DRC11: variants seen among roughly 807,000 people sequenced by gnomAD.
DRC11 encodes IQ and AAA domain-containing protein 1.
chr2:236,379,111 C>T, the DRC11 span, among the ~76,000 whole-genome samples: 1 of 152,172 alleles, frequency 6.6e-6, no homozygotes, highest in Non-Finnish European at 1.5e-5. Flanking sequence ...GCTCTGCCCT[C>T]CTCTTCCCCC....
chr2:236,410,576 C>T, the DRC11 span, among the ~76,000 whole-genome samples: 1 of 150,428 alleles, frequency 6.6e-6, no homozygotes, highest in Admixed American at 6.6e-5. Flanking sequence ...AAAAAAGAGC[C>T]CGCATCGCCA....
the DRC11 span, among the ~76,000 whole-genome samples, chr2:236,478,409 C>T: frequency 2.0e-5 from 3 of 152,084 alleles, no homozygotes; most frequent in East Asian, 1.9e-4. The surrounding 1 kb of genome is among the most constrained non-coding windows in gnomAD (Gnocchi z 5.9). Context: ...AGAAAAAATA[C>T]TTGATATGAT....
At chr2:236,444,976 C>CTGA in the DRC11 span, among the ~76,000 whole-genome samples, 1 of 152,324 alleles carries the variant, frequency 6.6e-6, no homozygotes, top group East Asian at 1.9e-4. Flanking sequence ...CCTTGTTAAA[C>CTGA]TGACCACGCT....
chr2:236,461,143 G>A, the DRC11 span, among the ~76,000 whole-genome samples: 1 of 152,194 alleles, frequency 6.6e-6, no homozygotes, highest in African/African-American at 2.4e-5. This position sits in a 1 kb window ranked among gnomAD's most constrained non-coding sequence, Gnocchi z 4.0. Flanking sequence ...GTTGTACATA[G>A]TGCTTTCAAC....
At chr2:236,357,115 A>ATC in the DRC11 span, among the ~76,000 whole-genome samples, 1 of 91,018 alleles carries the variant, frequency 1.1e-5, no homozygotes, top group Non-Finnish European at 2.5e-5. Context: ...TTATATATCT[A>ATC]TATATTATAT....
At chr2:236,351,372 C>A in the DRC11 span, among the ~76,000 whole-genome samples, 2 of 152,132 alleles carry the variant, frequency 1.3e-5, no homozygotes, top group Non-Finnish European at 2.9e-5. The surrounding 1 kb of genome is among the most constrained non-coding windows in gnomAD (Gnocchi z 7.3). Context: ...GCAGACAGGT[C>A]TTCCGAGATC....
the DRC11 span, among the ~76,000 whole-genome samples, chr2:236,456,244 C>A: frequency 1.3e-5 from 2 of 152,126 alleles, no homozygotes; most frequent in African/African-American, 4.8e-5. This position sits in a 1 kb window ranked among gnomAD's most constrained non-coding sequence, Gnocchi z 5.4. Context: ...ATTACTCTAC[C>A]TATGAGGTAG....
At chr2:236,419,256 T>C in the DRC11 span, 142 of 1,537,968 alleles carry the variant, frequency 9.2e-5, no homozygotes, top group African/African-American at 1.6e-3. The surrounding 1 kb of genome is among the most constrained non-coding windows in gnomAD (Gnocchi z 4.8). Context: ...TGGTTTGCTA[T>C]GATATCCTCA....
the DRC11 span, among the ~76,000 whole-genome samples, chr2:236,331,198 A>T: frequency 6.6e-6 from 1 of 152,204 alleles, no homozygotes; most frequent in Admixed American, 6.5e-5. The surrounding 1 kb of genome is among the most constrained non-coding windows in gnomAD (Gnocchi z 4.8). Flanking sequence ...TACATGCTTT[A>T]CTGCCAAAAC....
At chr2:236,371,722 G>C in the DRC11 span, among the ~76,000 whole-genome samples, 1 of 152,162 alleles carries the variant, frequency 6.6e-6, no homozygotes, top group African/African-American at 2.4e-5. The surrounding 1 kb of genome is among the most constrained non-coding windows in gnomAD (Gnocchi z 5.1). Context: ...TCTTCAGGAA[G>C]GGCTCAGGGG....
the DRC11 span, among the ~76,000 whole-genome samples, chr2:236,475,733 T>C: frequency 1.3e-5 from 2 of 152,200 alleles, no homozygotes; most frequent in Admixed American, 1.3e-4. This position sits in a 1 kb window ranked among gnomAD's most constrained non-coding sequence, Gnocchi z 4.8. Context: ...TAATGTACTT[T>C]GATTTGATTT....
the DRC11 span, among the ~76,000 whole-genome samples, chr2:236,313,916 G>A: frequency 6.6e-6 from 1 of 152,158 alleles, no homozygotes; most frequent in Non-Finnish European, 1.5e-5. This position sits in a 1 kb window ranked among gnomAD's most constrained non-coding sequence, Gnocchi z 4.5. Flanking sequence ...AAGAGGAGTA[G>A]GAGGGAAGTA....
the DRC11 span, among the ~76,000 whole-genome samples, chr2:236,365,078 T>G: frequency 6.6e-6 from 1 of 152,096 alleles, no homozygotes; most frequent in Non-Finnish European, 1.5e-5. This position sits in a 1 kb window ranked among gnomAD's most constrained non-coding sequence, Gnocchi z 7.4. Flanking sequence ...TTGCCCTGCG[T>G]TGGACACCTG....
the DRC11 span, among the ~76,000 whole-genome samples, chr2:236,461,603 G>A: frequency 6.6e-6 from 1 of 152,184 alleles, no homozygotes; most frequent in South Asian, 2.1e-4. The surrounding 1 kb of genome is among the most constrained non-coding windows in gnomAD (Gnocchi z 4.0). Context: ...CAGTTTACAT[G>A]AGAGAGGGGG....
At chr2:236,390,452 T>C in the DRC11 span, among the ~76,000 whole-genome samples, 569 of 152,366 alleles carry the variant, frequency 3.7e-3, 3 homozygotes, top group African/African-American at 0.013. This position sits in a 1 kb window ranked among gnomAD's most constrained non-coding sequence, Gnocchi z 5.9. Context: ...GTTTAATCCA[T>C]ATACATCTGA....
chr2:236,422,118 CTGGAAGCATTCCCTT>C, the DRC11 span, among the ~76,000 whole-genome samples: 1 of 152,146 alleles, frequency 6.6e-6, no homozygotes, highest in Admixed American at 6.6e-5. Flanking sequence ...TGAGCAAAAA[CTGGAAGCATTCCCTT>C]TGAAAACGGG....
the DRC11 span, among the ~76,000 whole-genome samples, chr2:236,361,728 A>G: frequency 6.6e-6 from 1 of 152,198 alleles, no homozygotes; most frequent in Non-Finnish European, 1.5e-5. This position sits in a 1 kb window ranked among gnomAD's most constrained non-coding sequence, Gnocchi z 5.7. Flanking sequence ...CAAATGGAGA[A>G]CAAATAGCAA....
the DRC11 span, among the ~76,000 whole-genome samples, chr2:236,307,054 T>G: frequency 6.6e-6 from 1 of 152,170 alleles, no homozygotes; most frequent in Non-Finnish European, 1.5e-5. The surrounding 1 kb of genome is among the most constrained non-coding windows in gnomAD (Gnocchi z 7.0). Context: ...AGTCTTCACT[T>G]GACCATCAGA....
At chr2:236,480,020 A>G in the DRC11 span, among the ~76,000 whole-genome samples, 876 of 140,254 alleles carry the variant, frequency 6.2e-3, 6 homozygotes, top group African/African-American at 0.023. Flanking sequence ...CTTGGTTGAC[A>G]GGTTTTTTTT....
Sources: gnomAD v4.1 joint callset for allele counts (sites outside exome capture counted in the v4.1 genomes callset) on GRCh38, gnomAD v4.1.1 for gene constraint, Gnocchi (gnomAD v3.1) non-coding constraint, MANE v1.5 for transcripts, NCBI Gene and HGNC (gene_info 2026-07-23, HGNC 2026-07-21) for gene names.